Variants in ZW10 observed in about 807,000 individuals in gnomAD.
ZW10 encodes the protein centromere/kinetochore protein zw10 homolog.
In ZW10, 53 loss-of-function variants were observed where a neutral mutation model predicts 87.8. That is an observed-to-expected ratio of 0.60 (90% CI 0.48 to 0.76). The LOEUF (loss-of-function observed/expected upper bound fraction) is 0.76, where lower values mean the gene tolerates loss of function less well. ZW10 is among the 30% of genes least tolerant of loss of function. The probability of loss-of-function intolerance (pLI) is 0.00; values close to 1 mark genes in which losing one functional copy is unlikely to be tolerated. For missense variants in ZW10, 837 were observed against 923.0 expected, an observed-to-expected ratio of 0.91 and a Z score of 1.21; for synonymous variants, 312 against 329.2, an observed-to-expected ratio of 0.95 and a Z score of 0.57.
chr11:113,746,879 T>G (rs1953683807), intron 9 of ZW10, among the ~76,000 whole-genome samples: 2 of 152,104 alleles, frequency 1.3e-5, no homozygotes, highest in Admixed American at 1.3e-4. Context: ...GATAAGGCCT[T>G]GCAGTCCACT....
In ZW10 at chr11:113,751,147, G is replaced by A. The variant is rs544423926; in HGVS notation, c.926-2727C>T. ...CAACTTAATGAAACCAATATCCTTC[G>A]CATACTGACGGAGACACTGGAGGCA... On this transcript the variant is annotated intron_variant, in intron 7 of 15. Transcript: ENST00000200135. 442 of 220,448 alleles carry A rather than the reference G, an allele frequency of 2.0e-3. 3 individuals are homozygous for A. The highest frequency in any genetic ancestry group is 9.9e-3 in the African/African-American group (428 of 43,358). 13.7% of individuals were successfully genotyped at this position (220,448 alleles called of 1,614,324 possible).
chr11:113,742,978 G>T (rs971121128), intron 10 of ZW10, among the ~76,000 whole-genome samples: 23 of 152,212 alleles, frequency 1.5e-4, no homozygotes, highest in Non-Finnish European at 2.9e-5. Context: ...TAGGAAGAAT[G>T]AAATTGCTAA....
At chr11:113,763,458 G>A (rs537148134) in intron 2 of ZW10, among the ~76,000 whole-genome samples, 1 of 152,200 alleles carries the variant, frequency 6.6e-6, no homozygotes. Flanking sequence ...TTCCACAACA[G>A]TTGAACTAAT....
intron 1 of ZW10, among the ~76,000 whole-genome samples, chr11:113,772,785 C>T (rs1372127190): frequency 2.3e-5 from 3 of 132,890 alleles, no homozygotes; most frequent in Non-Finnish European, 4.7e-5. Flanking sequence ...CCAGTCTGGC[C>T]AACATGGTGA....
In ZW10 at chr11:113,733,545, G is replaced by C; in HGVS notation, c.*149C>G. 1 of 978,402 alleles carries C rather than the reference G, an allele frequency of 1.0e-6. No homozygotes were observed. 60.6% of individuals were successfully genotyped at this position (978,402 alleles called of 1,614,324 possible). On this transcript the variant is annotated 3_prime_UTR_variant, in exon 16 of 16. Coordinates refer to ENST00000200135, the MANE Select transcript of ZW10 (RefSeq NM_004724.4). ...CTTAAACAAAGCCTCGTACAGGCCA[G>C]GAGGTAAGACGTTCTTCTGTAAAGT... is the stretch of plus-strand genomic sequence containing the variant.
intron 2 of ZW10, among the ~76,000 whole-genome samples, chr11:113,765,234 G>A (rs1953898710): frequency 6.6e-6 from 1 of 152,170 alleles, no homozygotes; most frequent in Non-Finnish European, 1.5e-5. Context: ...ATTACTAAGT[G>A]CTGCTATCTC....
rs1408972622 is a variant in ZW10 at position 113,738,316 on chromosome 11, GA to G, written c.1831del (p.Ser611GlnfsTer23). Reference protein sequence around the residue: ...LERLSSARNFSNMDDEENYSA... With the variant: ...LERLSSARNFXNMDDEENYSA... ...ATAATTCTCTTCATCGTCCATATTT[GA>G]AAAGTTCCTAGCACTTGATAATCTT... On this transcript the variant is annotated frameshift_variant, in exon 13 of 16. Transcript: ENST00000200135. LOFTEE classifies it high-confidence loss of function. 1.2e-6 allele frequency: 2 copies of G among 1,612,968 alleles called. No homozygotes were observed. Among genetic ancestry groups the G allele is most frequent in the Admixed American group, 3.3e-5 (2 of 59,852 alleles).
intron 2 of ZW10, among the ~76,000 whole-genome samples, chr11:113,761,500 T>C (rs1953859510): frequency 6.6e-6 from 1 of 152,102 alleles, no homozygotes; most frequent in Admixed American, 6.6e-5. Context: ...AGGCTGGTCT[T>C]GAACTCCTGG....
intron 1 of ZW10, chr11:113,770,446 T>A (rs1953952047): frequency 6.6e-6 from 1 of 151,470 alleles, no homozygotes; most frequent in Admixed American, 6.6e-5. Context: ...AAAACAGATA[T>A]GAAGACAGTA....
At chr11:113,761,956 A>G (rs1456084740) in intron 2 of ZW10, among the ~76,000 whole-genome samples, 6 of 152,124 alleles carry the variant, frequency 3.9e-5, no homozygotes, top group Non-Finnish European at 8.8e-5. Flanking sequence ...CTGGTTCCTA[A>G]CTGTTCTTGC....
Position 113,758,628 on chromosome 11 carries a change from G to A in ZW10, c.659C>T (p.Pro220Leu), listed in dbSNP as rs145015648. 3.1e-6 allele frequency: 5 copies of A among 1,613,926 alleles called. No homozygotes were observed. In the African/African-American group the frequency reaches 5.3e-5, roughly 17 times the overall value. Reference sequence around the variant, plus strand: ...GAGGACAGAACTGATGGGTGGCATAGGGGTCTTCTCCTCTTTGTGCGATTG... The same window carrying A: ...GAGGACAGAACTGATGGGTGGCATAAGGGTCTTCTCCTCTTTGTGCGATTG... ...TEQSHKEEKT[P>L]MPPISSVLLA... Residue 220 changes from proline to leucine, a missense_variant, in exon 6 of 16, where the codon CCT (proline) becomes CTT (leucine). Transcript: ENST00000200135.
At position 113,748,267 on chromosome 11, in the gene ZW10, T is replaced by A; in HGVS notation, c.1079A>T (p.Gln360Leu). ...GTCTGGGCTCTTTACCTCTTCATATTGCTGTAATTTGCTGCTATTTGTTGG... is the reference window on the plus strand; with the variant it reads ...GTCTGGGCTCTTTACCTCTTCATATAGCTGTAATTTGCTGCTATTTGTTGG... Reference protein sequence around the residue: ...SIPTNSSKLQQYEEIIQSTEE... With the variant: ...SIPTNSSKLQLYEEIIQSTEE... The change falls in exon 8 of 16, where the codon CAA becomes CTA. Residue 360 changes from glutamine to leucine, a missense_variant. Physicochemically the swap from Gln to Leu is moderately radical, Grantham distance 113. Coordinates refer to ENST00000200135, the MANE Select transcript of ZW10 (RefSeq NM_004724.4). The A allele has an allele frequency of 6.2e-7, 1 of 1,611,792 alleles. No individual in the cohort carries two copies. The highest frequency in any genetic ancestry group is 8.5e-7 in the Non-Finnish European group (1 of 1,179,378).
intron 10 of ZW10, among the ~76,000 whole-genome samples, chr11:113,743,346 T>A (rs1365277604): frequency 6.6e-6 from 1 of 152,200 alleles, no homozygotes; most frequent in African/African-American, 2.4e-5. Flanking sequence ...CAAGCTGGAA[T>A]AGAAGATATA....
At chr11:113,759,441 T>C (rs1258789062) in intron 5 of ZW10, among the ~76,000 whole-genome samples, 1 of 152,132 alleles carries the variant, frequency 6.6e-6, no homozygotes, top group Non-Finnish European at 1.5e-5. Context: ...AATGAATTTG[T>C]AGGCCAAAGT....
chr11:113,752,676 T>C (rs1953745844), intron 7 of ZW10, among the ~76,000 whole-genome samples: 1 of 152,338 alleles, frequency 6.6e-6, no homozygotes, highest in Non-Finnish European at 1.5e-5. Flanking sequence ...GTTGTGTGTG[T>C]TCTGACTACT....
At chr11:113,735,332 C>A (rs1271782409) in intron 15 of ZW10, among the ~76,000 whole-genome samples, 1 of 152,104 alleles carries the variant, frequency 6.6e-6, no homozygotes, top group Non-Finnish European at 1.5e-5. Flanking sequence ...CTGCTGCCCT[C>A]TGGAGCCTAT....
In ZW10 at chr11:113,747,858, A is replaced by C. The variant is rs1591413757; in HGVS notation, c.1090-145T>G. 5 of 551,378 alleles carry C rather than the reference A, an allele frequency of 9.1e-6. No individual in the cohort carries two copies. The East Asian group carries it at 1.5e-4, about 16-fold the overall frequency. The allele number at this position is 551,378 out of a possible 1,614,324, so 34.2% of individuals were successfully genotyped here. A position where few individuals can be genotyped will look rare whatever the true frequency, so the allele number is the denominator to read the frequency against. On this transcript the variant is annotated intron_variant, in intron 8 of 15. Transcript: ENST00000200135. The stretch of plus-strand genomic sequence containing the variant: ...TCAATTACTAGGTATAAAAATATAC[A>C]TATTTCCAGCCTTAAATTCATTAGA...
In ZW10 at chr11:113,733,232, CCTT is replaced by C. The variant is rs1177972879; in HGVS notation, c.*459_*461del. 1.3e-5 allele frequency: 2 copies of C among 153,650 alleles called. No homozygotes were observed. The highest frequency in any genetic ancestry group is 2.9e-5 in the Non-Finnish European group (2 of 69,048). 9.5% of individuals were successfully genotyped at this position (153,650 alleles called of 1,614,324 possible). ...TGGAAAGAAATATTACAGGAAGTCTCCTTAATTCCTGTAAGGCCAAATATGGTG... is the reference window on the plus strand; with the variant it reads ...TGGAAAGAAATATTACAGGAAGTCTCAATTCCTGTAAGGCCAAATATGGTG... On this transcript the variant is annotated 3_prime_UTR_variant, in exon 16 of 16. Coordinates refer to ENST00000200135, the MANE Select transcript of ZW10 (RefSeq NM_004724.4).
chr11:113,738,269 G>A lies in ZW10; in HGVS notation c.1879C>T (p.Arg627Trp), dbSNP rs201244304. 110 of 1,604,980 alleles carry A rather than the reference G, an allele frequency of 6.9e-5. No individual in the cohort carries two copies. Among genetic ancestry groups the A allele is most frequent in the Non-Finnish European group, 8.2e-5 (97 of 1,176,392 alleles). ...TGCTAGCAAGAGCCTCCTACCTGCC[G>A]GACTGCTTTACTTGCTGCAGAATAA... ...ENYSAASKAV[R>W]QVLHQLKRLG... The change falls in exon 13 of 16, where the codon CGG (arginine) becomes TGG (tryptophan). Residue 627 changes from arginine to tryptophan, a missense_variant. Transcript: ENST00000200135.
Sources: gnomAD v4.1 joint callset for allele counts (sites outside exome capture counted in the v4.1 genomes callset) on GRCh38, gnomAD v4.1.1 for gene constraint, MANE v1.5 for transcripts, NCBI Gene and HGNC (gene_info 2026-07-23, HGNC 2026-07-21) for gene names.